TSPAN7: variants seen among roughly 807,000 people sequenced by gnomAD.
TSPAN7 encodes the protein tetraspanin-7.
In TSPAN7, 1 loss-of-function variant was observed where a neutral mutation model predicts 17.6. The ratio of observed to expected loss-of-function variants is 0.06; its 90% confidence interval spans 0.02 to 0.27. The LOEUF (loss-of-function observed/expected upper bound fraction) is 0.27. Among genes scored for constraint, TSPAN7 ranks in the 10% least tolerant of loss-of-function variants. The pLI is 1.00. For missense variants in TSPAN7, 112 were observed against 201.7 expected, an observed-to-expected ratio of 0.56 and a Z score of 2.69; for synonymous variants, 78 against 79.0, an observed-to-expected ratio of 0.99 and a Z score of 0.07.
chrX:38,646,294 G>A (rs910328186), intron 1 of TSPAN7: 51 of 1,153,265 alleles, frequency 4.4e-5, no homozygotes, highest in Non-Finnish European at 5.7e-5. Context: ...GTGGCAGACA[G>A]GATGTGGCTA....
At chrX:38,686,685 A>T (rs2069929385) in intron 6 of TSPAN7, among the ~76,000 whole-genome samples, 1 of 112,201 alleles carries the variant, frequency 8.9e-6, no homozygotes, top group African/African-American at 3.2e-5. Context: ...TCAAGTGCAC[A>T]ATTGGGCTCC....
intron 1 of TSPAN7, among the ~76,000 whole-genome samples, chrX:38,647,274 C>G (rs1007155507): frequency 5.4e-5 from 6 of 111,484 alleles, no homozygotes; most frequent in African/African-American, 2.0e-4. Flanking sequence ...TACATTTGTC[C>G]TGAGTTTTAC....
chrX:38,653,551 G>C (rs896793405), intron 1 of TSPAN7, among the ~76,000 whole-genome samples: 1 of 112,235 alleles, frequency 8.9e-6, no homozygotes, highest in African/African-American at 3.2e-5. Context: ...TTTTCCATGT[G>C]TTTGTCAAGC....
At chrX:38,597,269 A>G (rs1021270302) in intron 1 of TSPAN7, among the ~76,000 whole-genome samples, 5 of 111,562 alleles carry the variant, frequency 4.5e-5, no homozygotes, top group African/African-American at 1.6e-4. Context: ...AAGTCAAACA[A>G]GGCAATGCTC....
intron 1 of TSPAN7, among the ~76,000 whole-genome samples, chrX:38,600,715 A>AT (rs1165215979): frequency 8.9e-6 from 1 of 111,960 alleles, no homozygotes; most frequent in Non-Finnish European, 1.9e-5. Flanking sequence ...TTATTGCTTG[A>AT]TTGAATTTGG....
chrX:38,655,898 TC>T, intron 1 of TSPAN7: 1 of 255,060 alleles, frequency 3.9e-6, no homozygotes. Context: ...ATAATGGAAC[TC>T]CAGGAAAGCC....
intron 1 of TSPAN7, among the ~76,000 whole-genome samples, chrX:38,641,264 G>T (rs1347578157): frequency 8.9e-6 from 1 of 112,433 alleles, no homozygotes; most frequent in East Asian, 2.8e-4. Context: ...ACAAGTGAAG[G>T]TTTTCTCTTC....
chrX:38,579,617 A>T (rs2069216788), intron 1 of TSPAN7, among the ~76,000 whole-genome samples: 1 of 111,254 alleles, frequency 9.0e-6, no homozygotes, highest in Non-Finnish European at 1.9e-5. Flanking sequence ...AAATGCATTA[A>T]CTTGATTTTT....
rs139856373 is a variant in TSPAN7 at position 38,568,779 on chromosome X, A to G, written c.81+7152A>G. Reference sequence around the variant, plus strand: ...GTCCTATTTGGATGTTGGACCTCCTAGACTAATCCTCTAATTTTCTCCCCT... The same window carrying G: ...GTCCTATTTGGATGTTGGACCTCCTGGACTAATCCTCTAATTTTCTCCCCT... On this transcript the variant is annotated intron_variant, in intron 1 of 7. Transcript: ENST00000378482. 3.5e-3 allele frequency among the ~76,000 whole-genome samples: 386 copies of G among 110,311 alleles called. 2 individuals carry two copies. Among genetic ancestry groups the G allele is most frequent in the African/African-American group, 0.012 (375 of 30,356 alleles).
chrX:38,583,086 G>A (rs1481428733), intron 1 of TSPAN7, among the ~76,000 whole-genome samples: 4 of 111,814 alleles, frequency 3.6e-5, no homozygotes, highest in Admixed American at 9.5e-5. Flanking sequence ...ATCTCATAAA[G>A]CCAGTGTGAT....
chrX:38,623,551 A>C (rs1004655498), intron 1 of TSPAN7, among the ~76,000 whole-genome samples: 11 of 108,874 alleles, frequency 1.0e-4, no homozygotes, highest in African/African-American at 3.7e-4. Flanking sequence ...TCTTTCCTCT[A>C]TACTCATTTG....
chrX:38,602,468 T>C (rs1245828965), intron 1 of TSPAN7, among the ~76,000 whole-genome samples: 1 of 111,013 alleles, frequency 9.0e-6, no homozygotes. Flanking sequence ...TTCCTAACAA[T>C]TAACAAGAAA....
At chrX:38,580,872 C>T (rs2069223933) in intron 1 of TSPAN7, among the ~76,000 whole-genome samples, 2 of 111,345 alleles carry the variant, frequency 1.8e-5, no homozygotes, top group Non-Finnish European at 3.8e-5. Flanking sequence ...CTGGGGTAAA[C>T]CTTTGAAGAG....
At chrX:38,625,168 A>G (rs1405922683) in intron 1 of TSPAN7, among the ~76,000 whole-genome samples, 1 of 111,605 alleles carries the variant, frequency 9.0e-6, no homozygotes, top group African/African-American at 3.3e-5. Context: ...TGTTGAGCTT[A>G]GGAGATTCTT....
At chrX:38,596,054 C>T (rs2069317155) in intron 1 of TSPAN7, among the ~76,000 whole-genome samples, 1 of 111,884 alleles carries the variant, frequency 8.9e-6, no homozygotes, top group Non-Finnish European at 1.9e-5. Flanking sequence ...GTGATCTGTG[C>T]TTCTACTGCC....
chrX:38,634,098 C>G (rs977176712), intron 1 of TSPAN7, among the ~76,000 whole-genome samples: 37 of 111,846 alleles, frequency 3.3e-4, no homozygotes, highest in Non-Finnish European at 5.6e-4. Context: ...TAGGACCAGT[C>G]ATTGTCACTT....
chrX:38,636,075 G>GTTTGTTAT (rs780944659), intron 1 of TSPAN7, among the ~76,000 whole-genome samples: 1 of 102,355 alleles, frequency 9.8e-6, no homozygotes, highest in African/African-American at 3.7e-5. Context: ...TTTTCATTTT[G>GTTTGTTAT]TTATTTATTT....
At chrX:38,593,085 A>G (rs1278861515) in intron 1 of TSPAN7, among the ~76,000 whole-genome samples, 1 of 110,550 alleles carries the variant, frequency 9.0e-6, no homozygotes, top group African/African-American at 3.3e-5. Context: ...TGTTTCTCCT[A>G]GATTTTTTTG....
intron 1 of TSPAN7, among the ~76,000 whole-genome samples, chrX:38,651,831 A>G (rs1028045738): frequency 8.9e-6 from 1 of 112,089 alleles, no homozygotes; most frequent in Non-Finnish European, 1.9e-5. Context: ...TAGTTCCAAT[A>G]TATGTCAGGT....
Sources: gnomAD v4.1 joint callset for allele counts (sites outside exome capture counted in the v4.1 genomes callset) on GRCh38, gnomAD v4.1.1 for gene constraint, MANE v1.5 for transcripts, NCBI Gene and HGNC (gene_info 2026-07-23, HGNC 2026-07-21) for gene names.